The following SCAP variants were observed in gnomAD, a reference collection of about 807,000 sequenced individuals.
SCAP encodes sterol regulatory element-binding protein cleavage-activating protein.
In SCAP, 65 loss-of-function variants were observed where a neutral mutation model predicts 123.6. The ratio of observed to expected loss-of-function variants is 0.53; its 90% CI spans 0.43 to 0.65. The LOEUF is 0.65. Among genes scored for constraint, SCAP ranks in the 30% least tolerant of loss-of-function variants. The pLI, the probability that SCAP is intolerant of heterozygous loss-of-function variation, is 0.00. For missense variants in SCAP, 1,398 were observed against 1,712.5 expected (o/e 0.82, Z 3.24); for synonymous variants, 740 against 726.3 (o/e 1.02, Z -0.30).
intron 1 of SCAP, among the ~76,000 whole-genome samples, chr3:47,471,650 C>T (rs1401184883): frequency 2.6e-5 from 4 of 152,030 alleles, no homozygotes; most frequent in Non-Finnish European, 5.9e-5. Context: ...AGATTACAGG[C>T]ATGAGCCACT....
chr3:47,453,353 G>A (rs553430838), intron 1 of SCAP, among the ~76,000 whole-genome samples: 4 of 151,222 alleles, frequency 2.6e-5, no homozygotes, highest in African/African-American at 9.7e-5. Context: ...GACCAGTCTG[G>A]GCAACATAGT....
rs781013998 is a variant in SCAP, at chr3:47,442,976, C to G, written c.18G>C (p.Arg6Ser). 8 of 1,613,982 alleles carry G rather than the reference C, an allele frequency of 5.0e-6. No homozygotes were observed. Among genetic ancestry groups the G allele is most frequent in the East Asian group, 2.2e-5 (1 of 44,888 alleles). The change falls in exon 2 of 23, where the codon AGG becomes AGC. Residue 6 changes from arginine (R) to serine (S), a missense_variant. Around this residue, in one of 7 missense-constraint regions of SCAP, gnomAD observed 319 missense variants for 432.4 expected, o/e 0.74. Coordinates refer to ENST00000265565, the MANE Select transcript of SCAP (RefSeq NM_012235.4). MTLTE[R>S]LREKISRAFY... ...AGGCCCGAGATATCTTCTCACGCAG[C>G]CTTTCAGTCAGGGTCATCCTCAGCC...
chr3:47,420,659 G>A lies in SCAP; in HGVS notation c.1458C>T (p.His486=), dbSNP rs374883549. ...AGGAAGACGGCTGCAACGTGATGGTGTGGGGTGTGGACGGCCTCACAGCCA... is the reference window on the plus strand; with the variant it reads ...AGGAAGACGGCTGCAACGTGATGGTATGGGGTGTGGACGGCCTCACAGCCA... ...RQLAVRPSTP[H]TITLQPSSFR... is the part of the protein sequence containing the mutation. Residue 486 remains histidine (H), a synonymous_variant, in exon 12 of 23, where the codon CAC becomes CAT. Transcript: ENST00000265565. This position sits in a 1 kb window ranked among gnomAD's most constrained non-coding sequence, Gnocchi z 5.0. 79 of 1,611,982 alleles carry A rather than the reference G, an allele frequency of 4.9e-5. No homozygotes were observed. The highest frequency in any genetic ancestry group is 6.2e-5 in the Non-Finnish European group (73 of 1,179,976).
chr3:47,472,454 A>T (rs1244442045), intron 1 of SCAP, among the ~76,000 whole-genome samples: 1 of 31,882 alleles, frequency 3.1e-5, no homozygotes, highest in African/African-American at 7.0e-5. Flanking sequence ...AAAAAAAAAT[A>T]AAATAAAATA....
rs755431886 is a variant in SCAP, at chr3:47,425,554, A to G, written c.968T>C (p.Val323Ala). The G allele has an allele frequency of 1.9e-6, 3 of 1,614,154 alleles. No individual in the cohort carries two copies. In the Admixed American group the frequency reaches 5.0e-5, roughly 27 times the overall value. Residue 323 changes from valine to alanine, a missense_variant, in exon 8 of 23, where the codon GTG becomes GCG. Physicochemically the swap from Val to Ala is moderately conservative, Grantham distance 64. Coordinates refer to ENST00000265565, the MANE Select transcript of SCAP (RefSeq NM_012235.4). Reference sequence around the variant, plus strand: ...CACAGACATGAGCAGCGAGCTGAGCACTGTGACCACGGCAGCCAGGGCCAG... The same window carrying G: ...CACAGACATGAGCAGCGAGCTGAGCGCTGTGACCACGGCAGCCAGGGCCAG... ...WGLALAAVVTVLSSLLMSVGL... is the reference protein window; with the variant it reads ...WGLALAAVVTALSSLLMSVGL...
At chr3:47,473,612 G>A (rs1023570447) in intron 1 of SCAP, among the ~76,000 whole-genome samples, 1 of 152,116 alleles carries the variant, frequency 6.6e-6, no homozygotes, top group African/African-American at 2.4e-5. Context: ...TAAAACACTG[G>A]CAACCACCAA....
At chr3:47,462,769 A>AG (rs1707692516) in intron 1 of SCAP, among the ~76,000 whole-genome samples, 2 of 151,496 alleles carry the variant, frequency 1.3e-5, no homozygotes, top group Non-Finnish European at 2.9e-5. Context: ...AAAAAAAAAA[A>AG]AAAAAGAAAG....
At position 47,414,957 on chromosome 3, in the gene SCAP, A is replaced by T; in HGVS notation, c.3176T>A (p.Val1059Glu). ...PGRGSSPASP[V>E]YSSSDTVACH... ...GGCCACTGTGTCGCTGCTGCTGTAC[A>T]CTGGAGAGGCAGGGGAACTGCCCCG... The change falls in exon 20 of 23, where the codon GTG becomes GAG. Residue 1059 changes from valine to glutamate, a missense_variant. By Grantham distance (121) the Val-to-Glu change is moderately radical. This residue lies in a region of SCAP where 828 missense variants were observed against 882.5 expected (regional missense o/e 0.94). Transcript: ENST00000265565. The T allele has an allele frequency of 6.2e-7, 1 of 1,606,888 alleles. No homozygotes were observed. Among genetic ancestry groups the T allele is most frequent in the South Asian group, 1.1e-5 (1 of 90,242 alleles).
rs1559578594 is a variant in SCAP at position 47,475,881 on chromosome 3, G to C, written c.-181C>G. On this transcript the variant is annotated 5_prime_UTR_variant, in exon 1 of 23. Coordinates refer to ENST00000265565, the MANE Select transcript of SCAP (RefSeq NM_012235.4). ...AGCAGGGGCGGAGCGCGGCGTGCGCGCTCTCGGCCCGCAGTCCGGTGCGTG... is the reference window on the plus strand; with the variant it reads ...AGCAGGGGCGGAGCGCGGCGTGCGCCCTCTCGGCCCGCAGTCCGGTGCGTG... 6.3e-6 allele frequency: 1 copy of C among 159,760 alleles called. No homozygotes were observed. The highest frequency in any genetic ancestry group is 1.3e-5 in the Non-Finnish European group (1 of 74,198). The allele number at this position is 159,760 out of a possible 1,614,324, so 9.9% of individuals were successfully genotyped here.
intron 1 of SCAP, among the ~76,000 whole-genome samples, chr3:47,473,842 T>G (rs1708161985): frequency 6.6e-6 from 1 of 152,206 alleles, no homozygotes; most frequent in South Asian, 2.1e-4. Context: ...AGTAATAAAC[T>G]TGTAGTAAAC....
At chr3:47,425,685 T>C (rs1706097189) in intron 7 of SCAP, 74 bp from the exon 8 acceptor site, 2 of 1,537,398 alleles carry the variant, frequency 1.3e-6, no homozygotes, top group South Asian at 1.2e-5. Context: ...CGGGAGTAGG[T>C]TGCCCTGACA....
Position 47,420,808 on chromosome 3 carries a change from C to G in SCAP, c.1345-36G>C. 1.9e-6 allele frequency: 3 copies of G among 1,600,452 alleles called. No homozygotes were observed. Among genetic ancestry groups the G allele is most frequent in the Non-Finnish European group, 2.6e-6 (3 of 1,170,482 alleles). ...CACAGTGGTCAGGGCCTGAGTCCAC[C>G]ATCCAGAGGCTGCTCGCACAGGACC... On this transcript the variant is annotated intron_variant, in intron 11 of 22. Coordinates refer to ENST00000265565, the MANE Select transcript of SCAP (RefSeq NM_012235.4). The surrounding 1 kb of genome is among the most constrained non-coding windows in gnomAD (Gnocchi z 5.0).
chr3:47,420,444 C>G lies in SCAP; in HGVS notation c.1563+110G>C. ...CCAGAGCCAGGCTTCCAGGGGCCACCAGGGCCTGAGGAATACCCTTTGCCA... is the reference window on the plus strand; with the variant it reads ...CCAGAGCCAGGCTTCCAGGGGCCACGAGGGCCTGAGGAATACCCTTTGCCA... On this transcript the variant is annotated intron_variant, in intron 12 of 22. Transcript: ENST00000265565. This position sits in a 1 kb window ranked among gnomAD's most constrained non-coding sequence, Gnocchi z 5.0. 1 of 1,009,680 alleles carries G rather than the reference C, an allele frequency of 9.9e-7. No homozygotes were observed. Among genetic ancestry groups the G allele is most frequent in the Non-Finnish European group, 1.4e-6 (1 of 708,434 alleles). The allele number at this position is 1,009,680 out of a possible 1,614,324, so 62.5% of individuals were successfully genotyped here. A position where few individuals can be genotyped will look rare whatever the true frequency, so the allele number is the denominator to read the frequency against.
At chr3:47,468,346 A>C (rs1291934726) in intron 1 of SCAP, among the ~76,000 whole-genome samples, 1 of 152,148 alleles carries the variant, frequency 6.6e-6, no homozygotes, top group Non-Finnish European at 1.5e-5. Flanking sequence ...ACAGTGTAAA[A>C]GGGTTCCTAT....
At chr3:47,464,865 A>G (rs1707768205) in intron 1 of SCAP, among the ~76,000 whole-genome samples, 3 of 152,232 alleles carry the variant, frequency 2.0e-5, no homozygotes, top group Non-Finnish European at 4.4e-5. Context: ...TCTTACATGT[A>G]GAAAACCCTA....
In SCAP at chr3:47,417,581, C is replaced by A. The variant is rs747663130; in HGVS notation, c.2693G>T (p.Arg898Leu). The A allele has an allele frequency of 6.3e-7, 1 of 1,593,110 alleles. No homozygotes were observed. Residue 898 changes from arginine (R) to leucine (L), a missense_variant, in exon 17 of 23, where the codon CGG (arginine) becomes CTG (leucine). Physicochemically the swap from Arg to Leu is moderately radical, Grantham distance 102. Transcript: ENST00000265565. ...SQPTQPEPRH[R>L]AVCGRSRDSP... The stretch of plus-strand genomic sequence containing the variant: ...GTCCCGAGAGCGGCCACAGACCGCC[C>A]GGTGCCGGGGCTCGGGCTGAGTGGG...
At chr3:47,423,089 T>C (rs1486073251) in intron 9 of SCAP, among the ~76,000 whole-genome samples, 4 of 152,320 alleles carry the variant, frequency 2.6e-5, no homozygotes, top group Non-Finnish European at 4.4e-5. Context: ...CCTAACTCCA[T>C]ATCCAGCACA....
intron 2 of SCAP, among the ~76,000 whole-genome samples, chr3:47,441,179 C>T (rs1706791866): frequency 1.3e-5 from 2 of 152,020 alleles, no homozygotes; most frequent in Non-Finnish European, 2.9e-5. Context: ...GGATTACAGC[C>T]GTGAGCCACC....
chr3:47,461,693 T>C lies in SCAP; in HGVS notation c.-99+14106A>G, dbSNP rs145728787. 7.9e-3 allele frequency among the ~76,000 whole-genome samples: 1,205 copies of C among 152,108 alleles called. 5 individuals are homozygous for C. The highest frequency in any genetic ancestry group is 0.012 in the Non-Finnish European group (849 of 67,970). On this transcript the variant is annotated intron_variant, in intron 1 of 22. Transcript: ENST00000265565. Reference sequence around the variant, plus strand: ...CCCGGGGAACATTTCCATGACAGAGTTGATTCCCCAGCACCTCCCAACAAA... The same window carrying C: ...CCCGGGGAACATTTCCATGACAGAGCTGATTCCCCAGCACCTCCCAACAAA...
Sources: gnomAD v4.1 joint callset for allele counts (sites outside exome capture counted in the v4.1 genomes callset) on GRCh38, gnomAD v4.1.1 for gene constraint, gnomAD v4.1.1 regional missense constraint, Gnocchi (gnomAD v3.1) non-coding constraint, MANE v1.5 for transcripts, NCBI Gene and HGNC (gene_info 2026-07-23, HGNC 2026-07-21) for gene names.